The following DRP2 variants were observed in gnomAD, a reference collection of about 807,000 sequenced individuals.
DRP2 encodes the protein dystrophin related protein 2.
A neutral mutation model predicts 78.2 loss-of-function variants in DRP2; 29 were observed. That is an observed-to-expected ratio of 0.37 (90% confidence interval 0.28 to 0.51). The LOEUF (loss-of-function observed/expected upper bound fraction) is 0.51. Among genes scored for constraint, DRP2 ranks in the 20% least tolerant of loss-of-function variants. The pLI is 0.94. For synonymous variants in DRP2, 290 were observed against 281.9 expected, an observed-to-expected ratio of 1.03 and a Z score of -0.29; for missense variants, 686 against 770.6, an observed-to-expected ratio of 0.89 and a Z score of 1.30.
intron 1 of DRP2, among the ~76,000 whole-genome samples, chrX:101,223,772 A>C (rs1424995714): frequency 1.8e-5 from 2 of 112,238 alleles, no homozygotes; most frequent in Non-Finnish European, 3.8e-5. Context: ...CTTCTCAGGA[A>C]TACGTTTCCT....
Position 101,247,123 on chromosome X carries a change from G to A in DRP2, c.1211G>A (p.Arg404His). Reference protein sequence around the residue: ...DLNNIKFSAYRTAMKLRRVQK... With the variant: ...DLNNIKFSAYHTAMKLRRVQK... The stretch of plus-strand genomic sequence containing the variant: ...AACAACATTAAGTTCTCAGCTTATC[G>A]CACTGCCATGAAACTCCGCAGAGTC... Residue 404 changes from arginine (R) to histidine (H), a missense_variant, in exon 12 of 24, where the codon CGC (arginine) becomes CAC (histidine). Around this residue, in one of 2 missense-constraint regions of DRP2, gnomAD observed 423 missense variants for 531.5 expected, o/e 0.80. Coordinates refer to ENST00000395209, the MANE Select transcript of DRP2 (RefSeq NM_001939.3). 8 of 1,210,311 alleles carry A rather than the reference G, an allele frequency of 6.6e-6. No individual in the cohort carries two copies. Among genetic ancestry groups the A allele is most frequent in the Non-Finnish European group, 8.9e-6 (8 of 894,920 alleles).
At chrX:101,243,392 C>A (rs765136720) in intron 9 of DRP2, among the ~76,000 whole-genome samples, 1 of 86,475 alleles carries the variant, frequency 1.2e-5, no homozygotes, top group African/African-American at 4.8e-5. Context: ...GATGAAACTC[C>A]GTCTCAAAAA....
Position 101,261,878 on chromosome X carries a change from G to C in DRP2, c.*1257G>C, listed in dbSNP as rs1018176178. On this transcript the variant is annotated 3_prime_UTR_variant, in exon 24 of 24. Coordinates refer to ENST00000395209, the MANE Select transcript of DRP2 (RefSeq NM_001939.3). Reference sequence around the variant, plus strand: ...ACTGTTCAGAATAGATAGTAGGGGTGGGGGAGTGGGCTTGGGAATGTTGAA... The same window carrying C: ...ACTGTTCAGAATAGATAGTAGGGGTCGGGGAGTGGGCTTGGGAATGTTGAA... 2 of 112,071 alleles carry C rather than the reference G, an allele frequency of 1.8e-5. No individual in the cohort carries two copies. Among genetic ancestry groups the C allele is most frequent in the Non-Finnish European group, 3.8e-5 (2 of 53,240 alleles). 9.2% of individuals were successfully genotyped at this position (112,071 alleles called of 1,213,427 possible).
intron 16 of DRP2, chrX:101,251,740 G>T (rs781212300): frequency 8.9e-6 from 1 of 112,076 alleles, no homozygotes; most frequent in South Asian, 3.8e-4. Flanking sequence ...GCCAACTGTC[G>T]TGAGCTGGTA....
chrX:101,235,071 T>A (rs1282654074), intron 3 of DRP2, among the ~76,000 whole-genome samples: 1 of 110,886 alleles, frequency 9.0e-6, no homozygotes, highest in Non-Finnish European at 1.9e-5. Context: ...GCTACCTTCC[T>A]TAGGGCTATC....
chrX:101,221,095 G>A (rs929434408), intron 1 of DRP2, among the ~76,000 whole-genome samples: 6 of 112,041 alleles, frequency 5.4e-5, no homozygotes, highest in Non-Finnish European at 7.5e-5. Flanking sequence ...AGGCTGGGCT[G>A]GGGTGGGGTG....
At chrX:101,244,579 C>G (rs908331151) in intron 9 of DRP2, among the ~76,000 whole-genome samples, 3 of 111,617 alleles carry the variant, frequency 2.7e-5, no homozygotes, top group Non-Finnish European at 5.7e-5. Flanking sequence ...TACCATTACC[C>G]ACAGTCCCAC....
rs1254511952 is a variant in DRP2 at position 101,258,572 on chromosome X, C to A, written c.2628+26C>A. ...GTGAGGATGGAGACAGGAAAAGAGC[C>A]AGGGTGGCCTCTGAGCCCAGGGGAA... On this transcript the variant is annotated intron_variant, in intron 22 of 23. Coordinates refer to ENST00000395209, the MANE Select transcript of DRP2 (RefSeq NM_001939.3). The A allele has an allele frequency of 2.6e-6, 3 of 1,143,980 alleles. No homozygotes were observed. In the African/African-American group the frequency reaches 5.4e-5, roughly 21 times the overall value. The allele number at this position is 1,143,980 out of a possible 1,213,427, so 94.3% of individuals were successfully genotyped here.
intron 20 of DRP2, among the ~76,000 whole-genome samples, chrX:101,255,532 C>T (rs146371687): frequency 2.4e-3 from 273 of 111,632 alleles, no homozygotes; most frequent in African/African-American, 8.4e-3. Flanking sequence ...CTTTGAGGAA[C>T]GAAGAATATG....
chrX:101,254,993 C>T (rs1028878862), intron 19 of DRP2, 69 bp downstream of exon 19: 83 of 1,175,898 alleles, frequency 7.1e-5, no homozygotes, highest in East Asian at 6.0e-4. Flanking sequence ...GATCTTCAGT[C>T]GGGGCAAGGA....
In DRP2 at chrX:101,260,052, C is replaced by G; in HGVS notation, c.2632C>G (p.Pro878Ala). ...QRLRELLLQP[P>A]TESDGSGSAG... ...GTCATGCCTTACCTCTTGCTAGCCA[C>G]CCACCGAATCAGATGGCAGTGGCTC... The change falls in exon 23 of 24, where the codon CCC becomes GCC. Residue 878 changes from proline (P) to alanine (A), a missense_variant. This residue lies in a region of DRP2 where 423 missense variants were observed against 531.5 expected (regional missense o/e 0.80). Coordinates refer to ENST00000395209, the MANE Select transcript of DRP2 (RefSeq NM_001939.3). 1 of 1,211,298 alleles carries G rather than the reference C, an allele frequency of 8.3e-7. No homozygotes were observed. Among genetic ancestry groups the G allele is most frequent in the Non-Finnish European group, 1.1e-6 (1 of 895,349 alleles).
intron 16 of DRP2, chrX:101,251,321 A>G (rs1009911489): frequency 3.4e-6 from 1 of 291,808 alleles, no homozygotes; most frequent in African/African-American, 2.7e-5. Context: ...ACAAAAATGT[A>G]TAGAAGAACA....
chrX:101,227,190 C>A lies in DRP2; in HGVS notation c.-64+2484C>A, dbSNP rs148540902. ...CTCTTAAAGGCTCCAGCTCTCAATA[C>A]TGTCACATTGGGGACAGATATTCAA... On this transcript the variant is annotated intron_variant, in intron 2 of 23. Coordinates refer to ENST00000395209, the MANE Select transcript of DRP2 (RefSeq NM_001939.3). Among the ~76,000 whole-genome samples, 12 of 112,134 alleles carry A rather than the reference C, an allele frequency of 1.1e-4. No homozygotes were observed. In the East Asian group the frequency reaches 2.3e-3, roughly 21 times the overall value.
chrX:101,220,727 G>T (rs1921865674), intron 1 of DRP2, among the ~76,000 whole-genome samples: 1 of 110,999 alleles, frequency 9.0e-6, no homozygotes, highest in Admixed American at 9.6e-5. Flanking sequence ...ACCAGGCTCT[G>T]ACCTAAGAGC....
At position 101,261,661 on chromosome X, in the gene DRP2, T is replaced by C. The variant is rs370746313; in HGVS notation, c.*1040T>C. On this transcript the variant is annotated 3_prime_UTR_variant, in exon 24 of 24. Coordinates refer to ENST00000395209, the MANE Select transcript of DRP2 (RefSeq NM_001939.3). ...TAATCATAAGGCATTTGCAACTGGC[T>C]ACCGTGTGTAGTGGCCCCTCCATAG... 25 of 112,326 alleles carry C rather than the reference T, an allele frequency of 2.2e-4. No homozygotes were observed. Among genetic ancestry groups the C allele is most frequent in the African/African-American group, 8.1e-4 (25 of 30,944 alleles). 9.3% of individuals were successfully genotyped at this position (112,326 alleles called of 1,213,427 possible).
chrX:101,239,222 C>T, intron 6 of DRP2, 121 bp downstream of exon 6: 2 of 930,743 alleles, frequency 2.1e-6, no homozygotes. Context: ...GATAGTTTCC[C>T]CCAGGAGTCC....
At chrX:101,257,525 C>T (rs1221871842) in intron 21 of DRP2, among the ~76,000 whole-genome samples, 1 of 108,843 alleles carries the variant, frequency 9.2e-6, no homozygotes, top group Non-Finnish European at 1.9e-5. Context: ...TTAGTAGGCT[C>T]ATCTCGTTGA....
At chrX:101,245,206 T>G (rs192014291) in intron 10 of DRP2, 129 bp downstream of exon 10, 2 of 831,265 alleles carry the variant, frequency 2.4e-6, no homozygotes, top group East Asian at 6.3e-5. Flanking sequence ...TTTCTCCTAC[T>G]CATCTCAAGA....
intron 14 of DRP2, 139 bp from the exon 15 acceptor site, chrX:101,250,284 G>A: frequency 3.6e-6 from 3 of 824,028 alleles, no homozygotes; most frequent in Non-Finnish European, 5.2e-6. Flanking sequence ...GTCAGGGATA[G>A]ACCTCTATGT....
Sources: allele counts gnomAD v4.1 joint callset (sites outside exome capture counted in the v4.1 genomes callset), GRCh38; gene constraint gnomAD v4.1.1; regional missense constraint gnomAD v4.1.1; transcripts MANE v1.5; gene names NCBI Gene and HGNC (gene_info 2026-07-23, HGNC 2026-07-21).